IPO11: variants seen among roughly 807,000 people sequenced by gnomAD.
IPO11 encodes importin-11.
Under a neutral mutation model 143.2 loss-of-function variants are expected in IPO11, and 66 were observed. The ratio of observed to expected loss-of-function variants is 0.46; its 90% confidence interval spans 0.38 to 0.57. IPO11 has a LOEUF of 0.57. Among genes scored for constraint, IPO11 ranks in the 20% least tolerant of loss-of-function variants. The pLI is 0.00. For missense variants in IPO11, 1,026 were observed against 1,141.0 expected, an observed-to-expected ratio of 0.90 and a Z score of 1.45; for synonymous variants, 385 against 377.8, an observed-to-expected ratio of 1.02 and a Z score of -0.22.
chr5:62,503,520 TC>T (rs1741433713), intron 16 of IPO11, among the ~76,000 whole-genome samples: 2 of 151,996 alleles, frequency 1.3e-5, no homozygotes, highest in Admixed American at 6.6e-5. Flanking sequence ...CTCAGCTTTT[TC>T]TACAGCAGCT....
Position 62,530,908 on chromosome 5 carries a change from GAT to G in IPO11, c.2089+128_2089+129del, listed in dbSNP as rs1742520665. ...TTCAACTTCTAGTTTAGATTCAGGG[GAT>G]ATATGTACACGTTTGTTACATGGAT... On this transcript the variant is annotated intron_variant, in intron 22 of 29. Transcript: ENST00000325324. The G allele has an allele frequency of 1.1e-5, 8 of 709,906 alleles. No homozygotes were observed. The East Asian group carries it at 2.1e-4, about 19-fold the overall frequency. The allele number at this position is 709,906 out of a possible 1,614,324, so 44.0% of individuals were successfully genotyped here.
chr5:62,495,915 C>T (rs757878442), intron 16 of IPO11, among the ~76,000 whole-genome samples: 1 of 152,202 alleles, frequency 6.6e-6, no homozygotes, highest in Non-Finnish European at 1.5e-5. Context: ...GAAAGGGATT[C>T]ATGGCCAGAT....
At chr5:62,550,609 C>T (rs1743355637) in intron 25 of IPO11, 147 bp downstream of exon 25, 1 of 531,270 alleles carries the variant, frequency 1.9e-6, no homozygotes, top group Non-Finnish European at 3.2e-6. Context: ...GACACCTTTG[C>T]CTTTTCCTGT....
chr5:62,537,140 A>G, intron 23 of IPO11, 69 bp from the exon 24 acceptor site: 1 of 908,758 alleles, frequency 1.1e-6, no homozygotes. Context: ...TGAATCCCAA[A>G]TGAAATTTTA....
At chr5:62,497,840 TTCTA>T (rs1741210461) in intron 16 of IPO11, among the ~76,000 whole-genome samples, 1 of 152,312 alleles carries the variant, frequency 6.6e-6, no homozygotes, top group East Asian at 1.9e-4. Flanking sequence ...GTAAGTAAGG[TTCTA>T]TCTTTCTTTT....
At chr5:62,609,481 C>T (rs755308791) in intron 29 of IPO11, among the ~76,000 whole-genome samples, 34 of 152,192 alleles carry the variant, frequency 2.2e-4, no homozygotes, top group Non-Finnish European at 4.7e-4. Flanking sequence ...TGCCTAACAG[C>T]ATGTATGATG....
At chr5:62,464,386 G>T (rs1213325475) in intron 5 of IPO11, among the ~76,000 whole-genome samples, 1 of 151,890 alleles carries the variant, frequency 6.6e-6, no homozygotes, top group Non-Finnish European at 1.5e-5. Context: ...TGATCCTCCT[G>T]CCTTGGCCTC....
At chr5:62,598,430 TTCTCTCTCTCTCTC>T (rs1323743350) in intron 28 of IPO11, among the ~76,000 whole-genome samples, 7 of 7,180 alleles carry the variant, frequency 9.7e-4, no homozygotes, top group South Asian at 6.0e-3. Context: ...CTTTCTTTCT[TTCTCTCTCTCTCTC>T]TCTCTCTCTC....
At chr5:62,571,209 C>T (rs1408557405) in intron 27 of IPO11, among the ~76,000 whole-genome samples, 1 of 151,858 alleles carries the variant, frequency 6.6e-6, no homozygotes, top group African/African-American at 2.4e-5. Flanking sequence ...CCTTGAGTTT[C>T]TGCTTTTATT....
At chr5:62,568,802 G>A (rs369926977) in intron 27 of IPO11, among the ~76,000 whole-genome samples, 7 of 152,226 alleles carry the variant, frequency 4.6e-5, no homozygotes, top group African/African-American at 1.7e-4. Flanking sequence ...CTTGATGCTT[G>A]TAGAGGTATG....
At chr5:62,529,246 T>A (rs1742463157) in intron 21 of IPO11, among the ~76,000 whole-genome samples, 1 of 152,122 alleles carries the variant, frequency 6.6e-6, no homozygotes, top group Non-Finnish European at 1.5e-5. Flanking sequence ...TTGGATGAGG[T>A]AGTAATGAAT....
At chr5:62,557,074 G>A (rs1398981561) in intron 26 of IPO11, among the ~76,000 whole-genome samples, 1 of 152,056 alleles carries the variant, frequency 6.6e-6, no homozygotes, top group African/African-American at 2.4e-5. Context: ...CACCTCAGTC[G>A]CCTAGATCCC....
chr5:62,415,464 CTTTT>C (rs67290766), intron 1 of IPO11, among the ~76,000 whole-genome samples: 1 of 101,276 alleles, frequency 9.9e-6, no homozygotes. Flanking sequence ...CCCGTCTTTA[CTTTT>C]TTTTTTTTTT....
At chr5:62,505,873 AT>A (rs1398124388) in intron 18 of IPO11, among the ~76,000 whole-genome samples, 2 of 152,082 alleles carry the variant, frequency 1.3e-5, no homozygotes, top group African/African-American at 2.4e-5. Flanking sequence ...AAAACAAAAC[AT>A]TTCGTGATTG....
At chr5:62,537,358 ATTTGGATGGT>A in intron 24 of IPO11, 69 bp downstream of exon 24, 4 of 1,040,324 alleles carry the variant, frequency 3.8e-6, no homozygotes, top group Non-Finnish European at 4.4e-6. Flanking sequence ...TTGGACTTTC[ATTTGGATGGT>A]TCGCAAGAAG....
intron 9 of IPO11, among the ~76,000 whole-genome samples, chr5:62,481,093 T>C (rs571939374): frequency 1.3e-5 from 2 of 151,962 alleles, no homozygotes; most frequent in East Asian, 3.9e-4. Flanking sequence ...TTTTTTTTTG[T>C]ATTTTTAGTA....
At chr5:62,430,200 G>A (rs1189391810) in intron 1 of IPO11, among the ~76,000 whole-genome samples, 1 of 152,164 alleles carries the variant, frequency 6.6e-6, no homozygotes, top group Non-Finnish European at 1.5e-5. Flanking sequence ...TATGTCCAAA[G>A]GTAGAATTGC....
At chr5:62,472,529 CTTTTT>C (rs11398365) in intron 7 of IPO11, among the ~76,000 whole-genome samples, 1 of 131,216 alleles carries the variant, frequency 7.6e-6, no homozygotes, top group Non-Finnish European at 1.6e-5. Flanking sequence ...ATATAAAAAT[CTTTTT>C]TTTTTTTTTT....
intron 9 of IPO11, among the ~76,000 whole-genome samples, chr5:62,482,130 G>C (rs557948950): frequency 3.1e-4 from 47 of 152,238 alleles, no homozygotes; most frequent in Non-Finnish European, 6.2e-4. Flanking sequence ...GGGATTGGTG[G>C]TGATACTCCT....
Sources: gnomAD v4.1 joint callset for allele counts (sites outside exome capture counted in the v4.1 genomes callset) on GRCh38, gnomAD v4.1.1 for gene constraint, MANE v1.5 for transcripts, NCBI Gene and HGNC (gene_info 2026-07-23, HGNC 2026-07-21) for gene names.